PITPNC1: variants seen among roughly 807,000 people sequenced by gnomAD.
The protein encoded by PITPNC1 is cytoplasmic phosphatidylinositol transfer protein 1.
A neutral mutation model predicts 44.7 loss-of-function variants in PITPNC1; 18 were observed. The observed-to-expected ratio is 0.40, with a 90% CI of 0.28 to 0.60. PITPNC1 has a LOEUF of 0.60. Among genes scored for constraint, PITPNC1 ranks in the 20% least tolerant of loss-of-function variants. The pLI is 0.39. For missense variants in PITPNC1, 290 were observed against 418.4 expected (o/e 0.69, Z 2.68); for synonymous variants, 141 against 149.6 (o/e 0.94, Z 0.42).
In PITPNC1 at chr17:67,532,908, A is replaced by T. The variant is rs1448440221; in HGVS notation, c.155A>T (p.His52Leu). The T allele has an allele frequency of 2.5e-6, 4 of 1,610,846 alleles. No homozygotes were observed. The highest frequency in any genetic ancestry group is 8.5e-7 in the Non-Finnish European group (1 of 1,178,988). ...AATGAGCCCTTTGAGGACCCTCACC[A>T]TGGCAATGGGCAGTTCACCGAGAAG... ...VQNEPFEDPH[H>L]GNGQFTEKRV... Residue 52 changes from histidine to leucine, a missense_variant, in exon 2 of 9, where the codon CAT (histidine) becomes CTT (leucine). By Grantham distance (99) the His-to-Leu change is moderately conservative. Coordinates refer to ENST00000581322, the MANE Select transcript of PITPNC1 (RefSeq NM_012417.4).
intron 1 of PITPNC1, among the ~76,000 whole-genome samples, chr17:67,395,242 C>T (rs2038200539): frequency 6.6e-6 from 1 of 151,678 alleles, no homozygotes; most frequent in South Asian, 2.1e-4. Context: ...TAGCCTCACA[C>T]TTCTGGGCTC....
chr17:67,498,294 A>G (rs1052863923), intron 1 of PITPNC1, among the ~76,000 whole-genome samples: 3 of 152,166 alleles, frequency 2.0e-5, no homozygotes, highest in African/African-American at 7.2e-5. Flanking sequence ...TATATTAGCA[A>G]TATTAATCTT....
chr17:67,534,819 C>T (rs1330620228), intron 2 of PITPNC1, among the ~76,000 whole-genome samples: 1 of 152,150 alleles, frequency 6.6e-6, no homozygotes, highest in East Asian at 1.9e-4. Context: ...ATTTCCAACA[C>T]CCTAGCTGGG....
intron 5 of PITPNC1, among the ~76,000 whole-genome samples, chr17:67,605,391 C>CA (rs1598877348): frequency 1.3e-5 from 2 of 152,202 alleles, no homozygotes; most frequent in Non-Finnish European, 2.9e-5. Flanking sequence ...ACCTTGGACT[C>CA]ACGCCGCCTG....
intron 1 of PITPNC1, among the ~76,000 whole-genome samples, chr17:67,394,409 A>G (rs1160359842): frequency 6.6e-6 from 1 of 152,178 alleles, no homozygotes; most frequent in African/African-American, 2.4e-5. Flanking sequence ...CCTAGTAGGA[A>G]AATGCTTCTC....
At chr17:67,520,363 TTGAC>T (rs1328166860) in intron 1 of PITPNC1, among the ~76,000 whole-genome samples, 2 of 152,196 alleles carry the variant, frequency 1.3e-5, no homozygotes, top group African/African-American at 4.8e-5. Flanking sequence ...GGTCTTGTGA[TTGAC>T]TGTGGGTTTA....
intron 5 of PITPNC1, among the ~76,000 whole-genome samples, chr17:67,589,751 T>C (rs911691812): frequency 6.6e-6 from 1 of 152,160 alleles, no homozygotes; most frequent in African/African-American, 2.4e-5. Context: ...GTGGATCATC[T>C]GAGTTCAGGA....
At chr17:67,513,842 G>A (rs184747760) in intron 1 of PITPNC1, among the ~76,000 whole-genome samples, 48 of 152,198 alleles carry the variant, frequency 3.2e-4, no homozygotes, top group African/African-American at 7.7e-4. Context: ...CTTTAAAATC[G>A]TTATGGGAAA....
intron 1 of PITPNC1, among the ~76,000 whole-genome samples, chr17:67,481,583 C>A (rs1306690386): frequency 6.6e-6 from 1 of 152,044 alleles, no homozygotes; most frequent in African/African-American, 2.4e-5. Context: ...AAGCGATTCC[C>A]CCACCTTGGC....
chr17:67,636,454 A>T (rs2042034345), intron 6 of PITPNC1, among the ~76,000 whole-genome samples: 1 of 152,112 alleles, frequency 6.6e-6, no homozygotes, highest in Non-Finnish European at 1.5e-5. Flanking sequence ...TACTAAATGG[A>T]TGCGGGAGAA....
chr17:67,527,580 G>C (rs924301274), intron 1 of PITPNC1, among the ~76,000 whole-genome samples: 9 of 152,168 alleles, frequency 5.9e-5, no homozygotes, highest in African/African-American at 2.2e-4. Context: ...GTGGGCGCCT[G>C]TAACCTCAGC....
At chr17:67,419,700 G>A (rs1485420929) in intron 1 of PITPNC1, among the ~76,000 whole-genome samples, 1 of 152,234 alleles carries the variant, frequency 6.6e-6, no homozygotes, top group Non-Finnish European at 1.5e-5. Context: ...GAGGTCAGGA[G>A]TTCGAGACCA....
intron 1 of PITPNC1, among the ~76,000 whole-genome samples, chr17:67,423,018 G>A (rs947561964): frequency 1.3e-5 from 2 of 151,802 alleles, no homozygotes; most frequent in Non-Finnish European, 2.9e-5. Flanking sequence ...ATGAGGAAGA[G>A]TTGGGTAAGG....
intron 1 of PITPNC1, among the ~76,000 whole-genome samples, chr17:67,388,784 C>T (rs900323844): frequency 8.6e-5 from 13 of 151,830 alleles, no homozygotes; most frequent in African/African-American, 2.2e-4. Flanking sequence ...CCACACCTGG[C>T]TGGTCTTGTA....
chr17:67,535,068 T>C (rs536976716), intron 2 of PITPNC1, among the ~76,000 whole-genome samples: 26 of 152,228 alleles, frequency 1.7e-4, no homozygotes, highest in Non-Finnish European at 3.7e-4. Context: ...ATTAAACTGA[T>C]GTTTTAATTT....
chr17:67,669,743 C>A, intron 7 of PITPNC1, 80 bp downstream of exon 7: 1 of 1,008,566 alleles, frequency 9.9e-7, no homozygotes, highest in Non-Finnish European at 1.5e-6. Context: ...TGATACACAA[C>A]AGGTGCACAA....
chr17:67,687,432 T>C (rs2042837206), intron 8 of PITPNC1, among the ~76,000 whole-genome samples: 1 of 151,650 alleles, frequency 6.6e-6, no homozygotes, highest in South Asian at 2.1e-4. Flanking sequence ...ACATGGAGAG[T>C]GGAAACACTT....
At chr17:67,598,875 A>C (rs149741680) in intron 5 of PITPNC1, among the ~76,000 whole-genome samples, 2,390 of 151,170 alleles carry the variant, frequency 0.016, 26 homozygotes, top group Non-Finnish European at 0.022. Flanking sequence ...CCTGGGTGAC[A>C]AGAGTGAAAC....
At chr17:67,424,085 C>G (rs1369598045) in intron 1 of PITPNC1, among the ~76,000 whole-genome samples, 1 of 76,100 alleles carries the variant, frequency 1.3e-5, no homozygotes, top group African/African-American at 5.1e-5. Context: ...GAGACTGTCT[C>G]AAAAAAAAAA....
Sources: allele counts gnomAD v4.1 joint callset (sites outside exome capture counted in the v4.1 genomes callset), GRCh38; gene constraint gnomAD v4.1.1; transcripts MANE v1.5; gene names NCBI Gene and HGNC (gene_info 2026-07-23, HGNC 2026-07-21).